The following LRP1B variants were observed in gnomAD, a reference collection of about 807,000 sequenced individuals.
LRP1B encodes the protein low-density lipoprotein receptor-related protein 1B.
Under a neutral mutation model 556.6 loss-of-function variants are expected in LRP1B, and 217 were observed. The ratio of observed to expected loss-of-function variants is 0.39; its 90% CI spans 0.35 to 0.44. The LOEUF is 0.44. LRP1B is among the 20% of genes least tolerant of loss of function. The pLI is 1.00. For synonymous variants in LRP1B, 2,047 were observed against 1,865.8 expected (o/e 1.10, Z -2.50); for missense variants, 5,053 against 5,620.8 (o/e 0.90, Z 3.23).
chr2:140,644,957 A>G (rs1200536923), intron 41 of LRP1B, among the ~76,000 whole-genome samples: 2 of 152,192 alleles, frequency 1.3e-5, no homozygotes, highest in African/African-American at 4.8e-5. Context: ...AATCTAAAAT[A>G]TTAATGAATT....
intron 47 of LRP1B, among the ~76,000 whole-genome samples, chr2:140,531,902 C>T (rs1030488391): frequency 6.6e-6 from 1 of 152,108 alleles, no homozygotes; most frequent in Non-Finnish European, 1.5e-5. Flanking sequence ...AAGCATATCC[C>T]TCTATTAGTC....
chr2:140,357,994 G>A lies in LRP1B; in HGVS notation c.11380C>T (p.Gln3794Ter), dbSNP rs2105134732. The A allele has an allele frequency of 6.2e-7, 1 of 1,609,890 alleles. No homozygotes were observed. Among genetic ancestry groups the A allele is most frequent in the East Asian group, 2.2e-5 (1 of 44,706 alleles). ...ACAAGCTCACCTATTCTGCATCCTTGCTCATCTGAACCATCTCCGCAGTCA... is the reference window on the plus strand; with the variant it reads ...ACAAGCTCACCTATTCTGCATCCTTACTCATCTGAACCATCTCCGCAGTCA... Reference protein sequence around the residue: ...LDDCGDGSDEQGCRIAPTEYT... With the variant: ...LDDCGDGSDE Residue 3794 changes from glutamine (Q) to a stop codon, truncating the protein, a stop_gained, in exon 74 of 91, where the codon CAA (glutamine) becomes TAA (stop). Coordinates refer to ENST00000389484, the MANE Select transcript of LRP1B (RefSeq NM_018557.3). LOFTEE classifies it high-confidence loss of function.
chr2:141,484,363 T>C (rs1574000030), intron 2 of LRP1B, among the ~76,000 whole-genome samples: 2 of 150,034 alleles, frequency 1.3e-5, no homozygotes, highest in African/African-American at 2.4e-5. Flanking sequence ...TTGGTTACTG[T>C]AGCCTTGTAG....
In LRP1B at chr2:141,548,376, G is replaced by C. The variant is rs575121769; in HGVS notation, c.206-67843C>G. 8.6e-4 allele frequency among the ~76,000 whole-genome samples: 131 copies of C among 152,332 alleles called. 2 individuals are homozygous for C. Among genetic ancestry groups the C allele is most frequent in the African/African-American group, 3.1e-3 (127 of 41,576 alleles). On this transcript the variant is annotated intron_variant, in intron 2 of 90. Transcript: ENST00000389484. ...AGGTAGATAAAATGAAGGGGGCTAT[G>C]TTTCCAGAAGCATGTGCAAAGGCAC...
chr2:141,380,206 C>G (rs1689585607), intron 3 of LRP1B, among the ~76,000 whole-genome samples: 1 of 148,776 alleles, frequency 6.7e-6, no homozygotes, highest in Admixed American at 6.8e-5. Context: ...GGGGCTCTTC[C>G]TCTTGGTTTG....
chr2:141,896,254 A>G (rs758385585), intron 1 of LRP1B, among the ~76,000 whole-genome samples: 1 of 152,178 alleles, frequency 6.6e-6, no homozygotes, highest in African/African-American at 2.4e-5. Context: ...AATATTTCTT[A>G]GTCACCTTTT....
At position 140,470,382 on chromosome 2, in the gene LRP1B, G is replaced by A. The variant is rs146511533; in HGVS notation, c.9625+4756C>T. On this transcript the variant is annotated intron_variant, in intron 60 of 90. Coordinates refer to ENST00000389484, the MANE Select transcript of LRP1B (RefSeq NM_018557.3). ...ATTTGGGCCGGGCGTGGTGGCTCAC[G>A]CCTGTAATCCCAGCACTTTGGGAGG... 7.9e-5 allele frequency among the ~76,000 whole-genome samples: 12 copies of A among 152,114 alleles called. No individual in the cohort carries two copies. The South Asian group carries it at 8.3e-4, about 11-fold the overall frequency.
chr2:141,856,230 A>G (rs1698045789), intron 1 of LRP1B, among the ~76,000 whole-genome samples: 1 of 152,168 alleles, frequency 6.6e-6, no homozygotes, highest in African/African-American at 2.4e-5. Flanking sequence ...ACCTATCCAA[A>G]AATCTTCCGT....
intron 50 of LRP1B, 72 bp downstream of exon 50, chr2:140,516,817 C>A: frequency 7.4e-7 from 1 of 1,345,770 alleles, no homozygotes; most frequent in Non-Finnish European, 1.0e-6. Context: ...GTATAAAATC[C>A]CTACATAAGA....
At chr2:140,736,657 G>A (rs542962621) in intron 35 of LRP1B, among the ~76,000 whole-genome samples, 2 of 152,156 alleles carry the variant, frequency 1.3e-5, no homozygotes, top group East Asian at 1.9e-4. Flanking sequence ...AATGGTGCTG[G>A]GAAAACTGGC....
At chr2:140,554,884 G>GTGTGTGTGTGTGTGTGTA (rs56040453) in intron 43 of LRP1B, among the ~76,000 whole-genome samples, 1 of 148,542 alleles carries the variant, frequency 6.7e-6, no homozygotes, top group East Asian at 2.0e-4. Flanking sequence ...GTGTGTGTGT[G>GTGTGTGTGTGTGTGTGTA]TATATGTATA....
At chr2:142,104,568 A>G (rs1180271690) in intron 1 of LRP1B, among the ~76,000 whole-genome samples, 1 of 152,126 alleles carries the variant, frequency 6.6e-6, no homozygotes, top group Non-Finnish European at 1.5e-5. Context: ...GATAAGTTTG[A>G]TACAATGCAG....
At chr2:140,704,702 A>G (rs956267604) in intron 37 of LRP1B, among the ~76,000 whole-genome samples, 1 of 152,146 alleles carries the variant, frequency 6.6e-6, no homozygotes, top group African/African-American at 2.4e-5. Flanking sequence ...GTAATGTTAT[A>G]CTGTGAAGGA....
At chr2:140,775,956 A>C (rs1294520112) in intron 33 of LRP1B, 142 bp downstream of exon 33, 4 of 639,912 alleles carry the variant, frequency 6.3e-6, no homozygotes, top group Non-Finnish European at 1.0e-5. Context: ...TTTCTCCTAC[A>C]GTAGTAAGCA....
chr2:140,863,007 T>G (rs2105144330), intron 27 of LRP1B, among the ~76,000 whole-genome samples: 1 of 152,148 alleles, frequency 6.6e-6, no homozygotes, highest in African/African-American at 2.4e-5. Context: ...CCCTTCCTGG[T>G]TTTTAGGCCT....
At chr2:141,111,346 G>A (rs1289598789) in intron 7 of LRP1B, among the ~76,000 whole-genome samples, 1 of 129,760 alleles carries the variant, frequency 7.7e-6, no homozygotes, top group Non-Finnish European at 1.7e-5. Context: ...TAGCAAACAA[G>A]TACAGTTAAT....
In LRP1B at chr2:141,058,898, T is replaced by C. The variant is rs2105462556; in HGVS notation, c.1393A>G (p.Arg465Gly). ...NAWGIRIYQK[R>G]TQPTVRSHAC... ...TCCCACTTACCTGTTGGTTGAGTTC[T>C]TTTTTGATAAATTCGGATTCCCCAA... Residue 465 changes from arginine to glycine, a missense_variant, in exon 9 of 91, where the codon AGA (arginine) becomes GGA (glycine). Around this residue, in one of 5 missense-constraint regions of LRP1B, gnomAD observed 3,619 missense variants for 3,931.9 expected, o/e 0.92. Coordinates refer to ENST00000389484, the MANE Select transcript of LRP1B (RefSeq NM_018557.3). 1 of 1,588,892 alleles carries C rather than the reference T, an allele frequency of 6.3e-7. No homozygotes were observed. The highest frequency in any genetic ancestry group is 8.5e-7 in the Non-Finnish European group (1 of 1,170,006).
chr2:141,063,314 T>G (rs966319272), intron 7 of LRP1B, among the ~76,000 whole-genome samples: 1 of 151,818 alleles, frequency 6.6e-6, no homozygotes, highest in Non-Finnish European at 1.5e-5. Context: ...TGGGGTATCT[T>G]TAAAGCTTAA....
intron 7 of LRP1B, among the ~76,000 whole-genome samples, chr2:141,110,912 C>T (rs1558867588): frequency 6.6e-6 from 1 of 152,002 alleles, no homozygotes; most frequent in Non-Finnish European, 1.5e-5. Flanking sequence ...TAAGTGGGTC[C>T]CCACACTAAA....
Sources: allele counts gnomAD v4.1 joint callset (sites outside exome capture counted in the v4.1 genomes callset), GRCh38; gene constraint gnomAD v4.1.1; regional missense constraint gnomAD v4.1.1; transcripts MANE v1.5; gene names NCBI Gene and HGNC (gene_info 2026-07-23, HGNC 2026-07-21).